Variants in SLC25A48 observed in about 807,000 individuals in gnomAD.
SLC25A48 encodes the protein CTC-321K16.1.
A neutral mutation model predicts 32.2 loss-of-function variants in SLC25A48; 29 were observed. That is an observed-to-expected ratio of 0.90 (90% CI 0.67 to 1.23). SLC25A48 has a LOEUF of 1.23. SLC25A48 is among the 50% of genes most tolerant of loss of function. The probability of loss-of-function intolerance (pLI) is 0.00; values close to 1 mark genes in which losing one functional copy is unlikely to be tolerated. For missense variants in SLC25A48, 399 were observed against 422.7 expected, an observed-to-expected ratio of 0.94 and a Z score of 0.49; for synonymous variants, 164 against 172.3, an observed-to-expected ratio of 0.95 and a Z score of 0.38.
intron 3 of SLC25A48, among the ~76,000 whole-genome samples, chr5:135,698,589 G>T (rs1754320216): frequency 6.6e-6 from 1 of 151,596 alleles, no homozygotes; most frequent in South Asian, 2.1e-4. Flanking sequence ...GAACCAAAAA[G>T]CTTCTTGAAA....
At chr5:135,807,266 CTG>C (rs539409320) in intron 3 of SLC25A48, among the ~76,000 whole-genome samples, 6 of 148,048 alleles carry the variant, frequency 4.1e-5, no homozygotes, top group African/African-American at 9.7e-5. Context: ...TGTTAACACT[CTG>C]TGTTAACTCT....
At chr5:135,679,035 G>A (rs1377683409) in intron 3 of SLC25A48, among the ~76,000 whole-genome samples, 1 of 152,180 alleles carries the variant, frequency 6.6e-6, no homozygotes, top group Non-Finnish European at 1.5e-5. Context: ...CTTGGGTGCT[G>A]GTAGTAGCAG....
chr5:135,729,065 G>A lies in SLC25A48; in HGVS notation c.-520-83458G>A, dbSNP rs1755165023. Among the ~76,000 whole-genome samples the A allele has an allele frequency of 3.9e-5, 6 of 152,116 alleles. No homozygotes were observed. The South Asian group carries it at 1.2e-3, about 32-fold the overall frequency. ...CGGGTCCTGTGCTTTATTCCTTTTA[G>A]AAGATTTCCCCATACCCCTTCCATG... On this transcript the variant is annotated intron_variant, in intron 3 of 10. Transcript: ENST00000646290.
intron 3 of SLC25A48, among the ~76,000 whole-genome samples, chr5:135,770,849 A>G (rs1561484708): frequency 6.6e-6 from 1 of 150,546 alleles, no homozygotes; most frequent in Non-Finnish European, 1.5e-5. Context: ...GAAGGAGTGT[A>G]TATTACTCCC....
intron 3 of SLC25A48, among the ~76,000 whole-genome samples, chr5:135,681,137 G>A (rs11960599): frequency 0.012 from 1,837 of 152,058 alleles, 38 homozygotes; most frequent in African/African-American, 0.042. Flanking sequence ...AGGCATGCCC[G>A]GCTAATTTTG....
chr5:135,614,027 T>C (rs1451159593), intron 1 of SLC25A48, among the ~76,000 whole-genome samples: 1 of 152,220 alleles, frequency 6.6e-6, no homozygotes, highest in African/African-American at 2.4e-5. Flanking sequence ...TAGATTGCTT[T>C]CGGCAGAATG....
rs1210412193 is a variant in SLC25A48, at chr5:135,751,779, G to T, written c.-520-60744G>T. Reference sequence around the variant, plus strand: ...AGTTGGAGGCTGCAATGAGCGATGAGCTATTATCACACTACTGCACTCCAG... The same window carrying T: ...AGTTGGAGGCTGCAATGAGCGATGATCTATTATCACACTACTGCACTCCAG... On this transcript the variant is annotated intron_variant, in intron 3 of 10. Transcript: ENST00000646290. 1.3e-5 allele frequency among the ~76,000 whole-genome samples: 2 copies of T among 152,126 alleles called. 1 individual carries two copies. Among genetic ancestry groups the T allele is most frequent in the South Asian group, 4.1e-4 (2 of 4,826 alleles).
chr5:135,680,251 T>C (rs1753863139), intron 3 of SLC25A48, among the ~76,000 whole-genome samples: 1 of 152,208 alleles, frequency 6.6e-6, no homozygotes, highest in Non-Finnish European at 1.5e-5. Context: ...CCCTCCCCGA[T>C]TACTGTTACC....
chr5:135,847,775 C>T (rs982264758), intron 2 of SLC25A48, among the ~76,000 whole-genome samples: 5 of 152,096 alleles, frequency 3.3e-5, no homozygotes, highest in South Asian at 2.1e-4. Flanking sequence ...AAGAGCCTCC[C>T]GAGGGAGTGC....
chr5:135,770,587 C>T (rs1323395677), intron 3 of SLC25A48, among the ~76,000 whole-genome samples: 1 of 151,696 alleles, frequency 6.6e-6, no homozygotes, highest in Non-Finnish European at 1.5e-5. Flanking sequence ...TGTACACACC[C>T]CTGTGATATT....
At chr5:135,697,933 G>A (rs767555690) in intron 3 of SLC25A48, among the ~76,000 whole-genome samples, 7 of 152,138 alleles carry the variant, frequency 4.6e-5, no homozygotes, top group Non-Finnish European at 5.9e-5. Context: ...ATCCCCTCAC[G>A]GCTTCCCATT....
At chr5:135,802,888 AT>A (rs1364062591) in intron 3 of SLC25A48, 2 of 151,632 alleles carry the variant, frequency 1.3e-5, no homozygotes, top group Non-Finnish European at 3.0e-5. Context: ...TATTTGTAAT[AT>A]TCTAGGGAGA....
chr5:135,713,930 C>T (rs1754734092), intron 3 of SLC25A48, among the ~76,000 whole-genome samples: 1 of 152,146 alleles, frequency 6.6e-6, no homozygotes, highest in African/African-American at 2.4e-5. Context: ...GGAGCTGTTC[C>T]AGGAGATGGA....
chr5:135,775,411 G>GT (rs1756528381), intron 3 of SLC25A48, among the ~76,000 whole-genome samples: 1 of 151,418 alleles, frequency 6.6e-6, no homozygotes, highest in South Asian at 2.1e-4. Context: ...TCCCTATATT[G>GT]TTTCTAATGT....
chr5:135,704,346 C>CA (rs1283477777), intron 3 of SLC25A48, among the ~76,000 whole-genome samples: 16 of 152,218 alleles, frequency 1.1e-4, no homozygotes, highest in African/African-American at 3.9e-4. Context: ...TTCAAGGCTT[C>CA]AGACTTTTCA....
At chr5:135,616,414 A>G (rs1752194299) in intron 1 of SLC25A48, among the ~76,000 whole-genome samples, 1 of 152,226 alleles carries the variant, frequency 6.6e-6, no homozygotes, top group African/African-American at 2.4e-5. Context: ...GCATCAGTGT[A>G]GCCTGGATGT....
intron 3 of SLC25A48, among the ~76,000 whole-genome samples, chr5:135,726,495 G>T (rs1755092415): frequency 6.6e-6 from 1 of 152,094 alleles, no homozygotes; most frequent in South Asian, 2.1e-4. Context: ...TTAACCATTT[G>T]CAGCCATGAA....
At chr5:135,645,837 T>C (rs1002462523) in intron 3 of SLC25A48, among the ~76,000 whole-genome samples, 1 of 152,010 alleles carries the variant, frequency 6.6e-6, no homozygotes, top group Non-Finnish European at 1.5e-5. Flanking sequence ...TCATGTGCTG[T>C]TTGGAGAGAA....
At chr5:135,652,652 G>A (rs1753144356) in intron 3 of SLC25A48, among the ~76,000 whole-genome samples, 1 of 152,206 alleles carries the variant, frequency 6.6e-6, no homozygotes, top group African/African-American at 2.4e-5. Context: ...CATAGTATAT[G>A]CTTTGAGTCA....
Sources: allele counts gnomAD v4.1 joint callset (sites outside exome capture counted in the v4.1 genomes callset), GRCh38; gene constraint gnomAD v4.1.1; transcripts MANE v1.5; gene names NCBI Gene and HGNC (gene_info 2026-07-23, HGNC 2026-07-21).